Variants in HDAC4 observed in about 807,000 individuals in gnomAD.
HDAC4 encodes histone deacetylase 4, also known as histone deacetylase A.
HDAC4 carries 16 observed loss-of-function variants against 135.1 expected under a neutral mutation model. That is an observed-to-expected ratio of 0.12 (90% CI 0.08 to 0.18). The LOEUF (loss-of-function observed/expected upper bound fraction) is 0.18. Ranked by LOEUF, HDAC4 falls within the 10% of genes least tolerant of loss-of-function variation. The probability of loss-of-function intolerance (pLI) is 1.00; values close to 1 mark genes in which losing one functional copy is unlikely to be tolerated. For synonymous variants in HDAC4, 685 were observed against 653.4 expected, an observed-to-expected ratio of 1.05 and a Z score of -0.74; for missense variants, 1,143 against 1,511.8, an observed-to-expected ratio of 0.76 and a Z score of 4.05.
intron 3 of HDAC4, among the ~76,000 whole-genome samples, chr2:239,215,743 T>C (rs1157509091): frequency 1.3e-5 from 2 of 152,188 alleles, no homozygotes; most frequent in African/African-American, 4.8e-5. Flanking sequence ...AAGTGTGGAC[T>C]GGCAAAGCTG....
chr2:239,064,830 C>T (rs1243038101), intron 24 of HDAC4, among the ~76,000 whole-genome samples: 1 of 152,172 alleles, frequency 6.6e-6, no homozygotes, highest in Non-Finnish European at 1.5e-5. Flanking sequence ...GTGCAGGAGG[C>T]GTCCTCTGCG....
chr2:239,118,787 T>C (rs1200925075), intron 12 of HDAC4, among the ~76,000 whole-genome samples: 4 of 152,084 alleles, frequency 2.6e-5, no homozygotes, highest in African/African-American at 9.7e-5. Context: ...TCTAGCAACA[T>C]TGTCCCCATT....
intron 2 of HDAC4, among the ~76,000 whole-genome samples, chr2:239,253,947 G>A (rs2048921819): frequency 6.6e-6 from 1 of 152,106 alleles, no homozygotes; most frequent in Non-Finnish European, 1.5e-5. Flanking sequence ...AACTCTTGGA[G>A]GACTGTCTGG....
In HDAC4 at chr2:239,275,279, C is replaced by T. The variant is rs544393166; in HGVS notation, c.23-38615G>A. Among the ~76,000 whole-genome samples the T allele has an allele frequency of 3.9e-5, 6 of 152,328 alleles. No homozygotes were observed. In the South Asian group the frequency reaches 8.3e-4, roughly 21 times the overall value. On this transcript the variant is annotated intron_variant, in intron 2 of 26. Transcript: ENST00000543185. ...CCGCCCCACGCTGGAGCCAGGCTGC[C>T]GGCAAAGCGCTGCTCACTGCCGCTT...
At chr2:239,287,539 A>G (rs1362820897) in intron 2 of HDAC4, among the ~76,000 whole-genome samples, 1 of 152,232 alleles carries the variant, frequency 6.6e-6, no homozygotes, top group African/African-American at 2.4e-5. Flanking sequence ...CCCAATGCCT[A>G]CTTCAAGGGA....
At chr2:239,178,086 C>G (rs958451308) in intron 4 of HDAC4, among the ~76,000 whole-genome samples, 1 of 152,236 alleles carries the variant, frequency 6.6e-6, no homozygotes, top group Non-Finnish European at 1.5e-5. Context: ...CACACACTTT[C>G]CTCGGCTTCC....
chr2:239,282,497 TACCACTCTACAATGTACAC>T (rs2050844729), intron 2 of HDAC4, among the ~76,000 whole-genome samples: 1 of 122,254 alleles, frequency 8.2e-6, no homozygotes, highest in Non-Finnish European at 1.7e-5. Context: ...ACAATGAACA[TACCACTCTACAATGTACAC>T]ACCACTCTCA....
chr2:239,218,070 CG>C (rs1393161364), intron 3 of HDAC4, among the ~76,000 whole-genome samples: 1 of 152,036 alleles, frequency 6.6e-6, no homozygotes, highest in Non-Finnish European at 1.5e-5. Flanking sequence ...CCAGCCTGGG[CG>C]ACAGAGTGAG....
At chr2:239,252,692 C>T (rs554729976) in intron 2 of HDAC4, among the ~76,000 whole-genome samples, 2 of 152,346 alleles carry the variant, frequency 1.3e-5, no homozygotes, top group South Asian at 4.1e-4. Context: ...CTGCACCAAA[C>T]CAGAGGGCAG....
intron 1 of HDAC4, among the ~76,000 whole-genome samples, chr2:239,395,999 C>T (rs536734887): frequency 6.4e-4 from 97 of 152,212 alleles, no homozygotes; most frequent in African/African-American, 2.3e-3. Context: ...GGGGACAGCC[C>T]AGGGTCTCGC....
chr2:239,264,255 C>A (rs1168511358), intron 2 of HDAC4, among the ~76,000 whole-genome samples: 1 of 152,196 alleles, frequency 6.6e-6, no homozygotes, highest in Non-Finnish European at 1.5e-5. Flanking sequence ...CCAGCCTCCA[C>A]TGCGGAGGAG....
chr2:239,128,027 C>A (rs907659536), intron 11 of HDAC4, among the ~76,000 whole-genome samples: 1 of 152,212 alleles, frequency 6.6e-6, no homozygotes, highest in Non-Finnish European at 1.5e-5. Context: ...AGACTAAACC[C>A]AGCAAGACCC....
rs149465275 is a variant in HDAC4 at position 239,068,832 on chromosome 2, G to T, written c.2751-225C>A. On this transcript the variant is annotated intron_variant, in intron 22 of 26. Coordinates refer to ENST00000543185, the MANE Select transcript of HDAC4 (RefSeq NM_001378414.1). This position sits in a 1 kb window ranked among gnomAD's most constrained non-coding sequence, Gnocchi z 4.4. ...CTCATTTCACATCTTCACAGTGCAAGCCAGCAAGCCCCACGACACTTGCTT... is the reference window on the plus strand; with the variant it reads ...CTCATTTCACATCTTCACAGTGCAATCCAGCAAGCCCCACGACACTTGCTT... The T allele has an allele frequency of 1.8e-3, 1,070 of 592,960 alleles. 9 individuals carry two copies. The highest frequency in any genetic ancestry group is 0.018 in the African/African-American group (974 of 54,700). 36.7% of individuals were successfully genotyped at this position (592,960 alleles called of 1,614,324 possible).
chr2:239,066,913 C>T (rs1398688549), intron 23 of HDAC4, 58 bp from the exon 24 acceptor site: 2 of 1,580,818 alleles, frequency 1.3e-6, no homozygotes, highest in African/African-American at 1.3e-5. Context: ...GCCAGCACAG[C>T]CCAGAAACGC....
intron 1 of HDAC4, among the ~76,000 whole-genome samples, chr2:239,371,667 T>TCA (rs1178338555): frequency 6.6e-6 from 1 of 151,796 alleles, no homozygotes; most frequent in East Asian, 1.9e-4. Context: ...ACGGACTCAC[T>TCA]CACACACACA....
chr2:239,327,270 G>C (rs1331705410), intron 2 of HDAC4, among the ~76,000 whole-genome samples: 1 of 152,204 alleles, frequency 6.6e-6, no homozygotes, highest in Non-Finnish European at 1.5e-5. Flanking sequence ...GGGTGGCCCA[G>C]GGCTCGGCTG....
intron 24 of HDAC4, among the ~76,000 whole-genome samples, chr2:239,064,327 A>G (rs1393346249): frequency 6.6e-6 from 1 of 152,230 alleles, no homozygotes; most frequent in Non-Finnish European, 1.5e-5. Context: ...AAGCCATGGC[A>G]GCAGCCCTGC....
At chr2:239,192,123 A>C (rs1559206065) in intron 3 of HDAC4, among the ~76,000 whole-genome samples, 1 of 152,090 alleles carries the variant, frequency 6.6e-6, no homozygotes, top group Non-Finnish European at 1.5e-5. Flanking sequence ...TACGCACATA[A>C]ACTGCGTGTT....
chr2:239,201,352 G>A (rs1044276336), intron 3 of HDAC4, among the ~76,000 whole-genome samples: 3 of 152,154 alleles, frequency 2.0e-5, no homozygotes, highest in Admixed American at 6.5e-5. Context: ...CTAACCTGCC[G>A]TAGAGACCCA....
Sources: allele counts gnomAD v4.1 joint callset (sites outside exome capture counted in the v4.1 genomes callset), GRCh38; gene constraint gnomAD v4.1.1; non-coding constraint Gnocchi (gnomAD v3.1); transcripts MANE v1.5; gene names NCBI Gene and HGNC (gene_info 2026-07-23, HGNC 2026-07-21).